MMP16: variants seen among roughly 807,000 people sequenced by gnomAD.
MMP16 encodes the protein matrix metalloproteinase-16.
A neutral mutation model predicts 67.8 loss-of-function variants in MMP16; 12 were observed. The observed-to-expected ratio is 0.18, with a 90% CI of 0.11 to 0.29. The LOEUF (loss-of-function observed/expected upper bound fraction) is 0.29, where lower values mean the gene tolerates loss of function less well. Ranked by LOEUF, MMP16 falls within the 10% of genes least tolerant of loss-of-function variation. The pLI, the probability that MMP16 is intolerant of heterozygous loss-of-function variation, is 1.00. For missense variants in MMP16, 475 were observed against 765.7 expected, an observed-to-expected ratio of 0.62 and a Z score of 4.48; for synonymous variants, 249 against 255.9, an observed-to-expected ratio of 0.97 and a Z score of 0.26.
At chr8:88,295,524 G>A (rs1810997848) in intron 1 of MMP16, among the ~76,000 whole-genome samples, 1 of 152,094 alleles carries the variant, frequency 6.6e-6, no homozygotes, top group South Asian at 2.1e-4. Flanking sequence ...TCTCTCAGAG[G>A]GAACTTTATA....
intron 7 of MMP16, among the ~76,000 whole-genome samples, chr8:88,066,415 C>T (rs547427296): frequency 6.6e-6 from 1 of 152,052 alleles, no homozygotes; most frequent in South Asian, 2.1e-4. Flanking sequence ...ATTACTTCCT[C>T]GAGGTGTGAT....
intron 1 of MMP16, among the ~76,000 whole-genome samples, chr8:88,281,962 C>T (rs1030819500): frequency 1.3e-5 from 2 of 151,972 alleles, no homozygotes; most frequent in Admixed American, 1.3e-4. Context: ...AATTTTTGTT[C>T]AAATACTTCC....
intron 2 of MMP16, 70 bp downstream of exon 2, chr8:88,197,088 A>G: frequency 6.8e-7 from 1 of 1,479,820 alleles, no homozygotes; most frequent in African/African-American, 1.4e-5. Context: ...TGGAGTTCAT[A>G]TAAAGTTTTC....
chr8:88,199,173 G>A (rs1481962201), intron 1 of MMP16, among the ~76,000 whole-genome samples: 4 of 152,020 alleles, frequency 2.6e-5, no homozygotes, highest in Non-Finnish European at 1.5e-5. Flanking sequence ...TTATGTTTAT[G>A]AGGAAAGCAA....
rs1808129496 is a variant in MMP16, at chr8:88,041,305, T to C, written c.*156A>G. ...TTCCCCATGAGTGTATTTCCACTCA[T>C]GTGCAGGACCAGCAACCCTCTGGGT... On this transcript the variant is annotated 3_prime_UTR_variant, in exon 10 of 10. Coordinates refer to ENST00000286614, the MANE Select transcript of MMP16 (RefSeq NM_005941.5). This position sits in a 1 kb window ranked among gnomAD's most constrained non-coding sequence, Gnocchi z 6.0. 1.2e-5 allele frequency: 8 copies of C among 668,254 alleles called. No individual in the cohort carries two copies. Among genetic ancestry groups the C allele is most frequent in the South Asian group, 7.5e-5 (4 of 53,684 alleles). The allele number at this position is 668,254 out of a possible 1,614,324, so 41.4% of individuals were successfully genotyped here. A position where few individuals can be genotyped will look rare whatever the true frequency, so the allele number is the denominator to read the frequency against.
chr8:88,210,594 G>C (rs1296643166), intron 1 of MMP16, among the ~76,000 whole-genome samples: 2 of 152,064 alleles, frequency 1.3e-5, no homozygotes, highest in Admixed American at 6.6e-5. Flanking sequence ...TCCAAAGGTG[G>C]ATAACAAATC....
intron 4 of MMP16, among the ~76,000 whole-genome samples, chr8:88,131,771 C>A (rs546737573): frequency 1.8e-4 from 27 of 151,920 alleles, no homozygotes; most frequent in African/African-American, 6.5e-4. Flanking sequence ...CCTAACAAAC[C>A]ATAATAATTT....
At chr8:88,122,689 A>C (rs1008413769) in intron 4 of MMP16, among the ~76,000 whole-genome samples, 2 of 151,684 alleles carry the variant, frequency 1.3e-5, no homozygotes, top group African/African-American at 2.4e-5. Flanking sequence ...CTATGTGTAC[A>C]GTTGGTTTCT....
rs118111995 is a variant in MMP16, at chr8:88,236,683, A to T, written c.133-39377T>A. On this transcript the variant is annotated intron_variant, in intron 1 of 9. Coordinates refer to ENST00000286614, the MANE Select transcript of MMP16 (RefSeq NM_005941.5). Reference sequence around the variant, plus strand: ...AGGGTCGTTAGAGCCTGGGAGGTTGAGGCTGCAGTGAGCCGAGATCGCACC... The same window carrying T: ...AGGGTCGTTAGAGCCTGGGAGGTTGTGGCTGCAGTGAGCCGAGATCGCACC... 4.1e-3 allele frequency among the ~76,000 whole-genome samples: 620 copies of T among 152,218 alleles called. 19 individuals carry two copies. In the East Asian group the frequency reaches 0.079, roughly 19 times the overall value.
chr8:88,052,348 C>T (rs1808281152), intron 8 of MMP16, among the ~76,000 whole-genome samples: 1 of 152,020 alleles, frequency 6.6e-6, no homozygotes, highest in Non-Finnish European at 1.5e-5. Flanking sequence ...TTATTTTGTT[C>T]CTCCCCTAAA....
chr8:88,184,520 G>A (rs537270343), intron 3 of MMP16, among the ~76,000 whole-genome samples: 1 of 124,764 alleles, frequency 8.0e-6, no homozygotes, highest in East Asian at 2.5e-4. Context: ...CTTGAGCCCA[G>A]GAGTTCAAGA....
At chr8:88,184,702 G>GCAC (rs1809041914) in intron 3 of MMP16, among the ~76,000 whole-genome samples, 1 of 123,206 alleles carries the variant, frequency 8.1e-6, no homozygotes, top group African/African-American at 3.2e-5. Context: ...AGCCAAGATC[G>GCAC]CACCACTGCA....
intron 4 of MMP16, among the ~76,000 whole-genome samples, chr8:88,119,794 G>T (rs1807788376): frequency 6.6e-6 from 1 of 151,984 alleles, no homozygotes; most frequent in African/African-American, 2.4e-5. Flanking sequence ...CATTTCTAAG[G>T]GTTATGTTTC....
chr8:88,186,639 A>C, intron 2 of MMP16, 41 bp from the exon 3 acceptor site: 2 of 1,561,398 alleles, frequency 1.3e-6, no homozygotes, highest in East Asian at 4.5e-5. Flanking sequence ...AGTATTTTCC[A>C]GTTATTTACT....
intron 7 of MMP16, among the ~76,000 whole-genome samples, chr8:88,062,928 A>ATG (rs1808418866): frequency 6.6e-6 from 1 of 152,146 alleles, no homozygotes; most frequent in African/African-American, 2.4e-5. Flanking sequence ...GTGGTTTTTT[A>ATG]ACTACCCTAC....
At chr8:88,287,608 C>A (rs1810853052) in intron 1 of MMP16, among the ~76,000 whole-genome samples, 1 of 152,084 alleles carries the variant, frequency 6.6e-6, no homozygotes, top group Admixed American at 6.6e-5. Flanking sequence ...AGCAGGTACC[C>A]AATAAATATG....
At chr8:88,157,481 A>G (rs1435023333) in intron 4 of MMP16, among the ~76,000 whole-genome samples, 2 of 151,840 alleles carry the variant, frequency 1.3e-5, no homozygotes, top group Non-Finnish European at 2.9e-5. Flanking sequence ...ACATGAGCAA[A>G]TTTATCAACT....
At chr8:88,198,060 G>T (rs1163123158) in intron 1 of MMP16, among the ~76,000 whole-genome samples, 1 of 152,172 alleles carries the variant, frequency 6.6e-6, no homozygotes, top group Non-Finnish European at 1.5e-5. Context: ...GCTCTGGGAG[G>T]ACAGAGAAAG....
chr8:88,191,323 T>C (rs552948269), intron 2 of MMP16, among the ~76,000 whole-genome samples: 45 of 152,312 alleles, frequency 3.0e-4, no homozygotes, highest in African/African-American at 1.1e-3. Context: ...ACCTCTATTA[T>C]TGGGTTATTG....
Sources: allele counts gnomAD v4.1 joint callset (sites outside exome capture counted in the v4.1 genomes callset), GRCh38; gene constraint gnomAD v4.1.1; non-coding constraint Gnocchi (gnomAD v3.1); transcripts MANE v1.5; gene names NCBI Gene and HGNC (gene_info 2026-07-23, HGNC 2026-07-21).